Variants in RYR3 observed in about 807,000 individuals in gnomAD.
RYR3 encodes the protein brain ryanodine receptor-calcium release channel.
A neutral mutation model predicts 584.3 loss-of-function variants in RYR3; 207 were observed. That is an observed-to-expected ratio of 0.35 (90% CI 0.32 to 0.40). The LOEUF is 0.40. Ranked by LOEUF, RYR3 falls within the 10% of genes least tolerant of loss-of-function variation. RYR3 has a pLI of 1.00. For synonymous variants in RYR3, 2,416 were observed against 2,248.5 expected (o/e 1.07, Z -2.11); for missense variants, 5,616 against 6,089.2 (o/e 0.92, Z 2.59).
intron 1 of RYR3, among the ~76,000 whole-genome samples, chr15:33,401,810 T>C (rs1052507964): frequency 6.6e-6 from 1 of 152,208 alleles, no homozygotes; most frequent in African/African-American, 2.4e-5. Context: ...TTTTCTCAAA[T>C]CTGTACCTAT....
intron 12 of RYR3, among the ~76,000 whole-genome samples, chr15:33,574,954 GT>G (rs1293940943): frequency 6.6e-6 from 1 of 152,056 alleles, no homozygotes; most frequent in African/African-American, 2.4e-5. Context: ...CAAATGCAAA[GT>G]GGAAAAAAGC....
chr15:33,469,852 A>G (rs1287980444), intron 1 of RYR3, among the ~76,000 whole-genome samples: 1 of 152,220 alleles, frequency 6.6e-6, no homozygotes, highest in Non-Finnish European at 1.5e-5. Flanking sequence ...ATATTTAGGG[A>G]TGGCAGAAGA....
chr15:33,461,069 C>G (rs573579277), intron 1 of RYR3, among the ~76,000 whole-genome samples: 1 of 150,934 alleles, frequency 6.6e-6, no homozygotes, highest in Non-Finnish European at 1.5e-5. Context: ...CTCAGCCTCC[C>G]GAGTAGCTGT....
At chr15:33,410,814 GA>G (rs1313296492) in intron 1 of RYR3, among the ~76,000 whole-genome samples, 1 of 152,172 alleles carries the variant, frequency 6.6e-6, no homozygotes, top group African/African-American at 2.4e-5. Context: ...ATTTATAAAG[GA>G]AAGAGGTTCA....
Position 33,706,943 on chromosome 15 carries a change from G to A in RYR3, c.6508G>A (p.Gly2170Ser). The change falls in exon 43 of 104, where the codon GGC becomes AGC. Residue 2170 changes from glycine to serine, a missense_variant. Gly to Ser is a moderately conservative substitution (Grantham distance 56, BLOSUM62 0). Transcript: ENST00000634891. ...EKVVTYLAGC[G>S]LQSCPMLLAK... ...GGTGGTGACCTACTTGGCAGGCTGT[G>A]GCCTACAGAGCTGCCCCATGCTTCT... The A allele has an allele frequency of 6.2e-7, 1 of 1,610,440 alleles. No homozygotes were observed. The highest frequency in any genetic ancestry group is 8.5e-7 in the Non-Finnish European group (1 of 1,178,182).
intron 3 of RYR3, among the ~76,000 whole-genome samples, chr15:33,526,246 T>C (rs1311094635): frequency 6.6e-6 from 1 of 152,222 alleles, no homozygotes; most frequent in African/African-American, 2.4e-5. Flanking sequence ...TGGAAATTAA[T>C]TCTGAAATTA....
At position 33,857,786 on chromosome 15, in the gene RYR3, C is replaced by G; in HGVS notation, c.14014C>G (p.Leu4672Val). 1.2e-6 allele frequency: 2 copies of G among 1,614,022 alleles called. No individual in the cohort carries two copies. The highest frequency in any genetic ancestry group is 1.7e-6 in the Non-Finnish European group (2 of 1,179,884). ...TCTGTCCTCTCATTCCCAGTTGGTT[C>G]TGACTGTCGGTCTCCTGGCCGTGGT... ...SVTHNGKQLV[L>V]TVGLLAVVVY... Residue 4672 changes from leucine (L) to valine (V), a missense_variant, in exon 99 of 104, where the codon CTG (leucine) becomes GTG (valine). Physicochemically the swap from Leu to Val is conservative, Grantham distance 32. Transcript: ENST00000634891.
chr15:33,608,798 T>C (rs1488427344), intron 18 of RYR3, among the ~76,000 whole-genome samples: 1 of 152,230 alleles, frequency 6.6e-6, no homozygotes, highest in African/African-American at 2.4e-5. Context: ...CCCAGTCTCT[T>C]AGAGAAAAGG....
Position 33,613,213 on chromosome 15 carries a change from A to G in RYR3, c.2195A>G (p.Asn732Ser), listed in dbSNP as rs753888556. 1.2e-5 allele frequency: 20 copies of G among 1,613,804 alleles called. No homozygotes were observed. The East Asian group carries it at 1.6e-4, about 13-fold the overall frequency. ...ATACCCAGAGCTGTGGCTTCCATCA[A>G]CCAGCACCTCCTGAGATCGGATGAC... ...GRIPRAVASI[N>S]QHLLRSDDVV... The change falls in exon 19 of 104, where the codon AAC (asparagine) becomes AGC (serine). Residue 732 changes from asparagine (N) to serine (S), a missense_variant. Transcript: ENST00000634891.
At position 33,425,450 on chromosome 15, in the gene RYR3, C is replaced by T. The variant is rs539029786; in HGVS notation, c.52-47969C>T. On this transcript the variant is annotated intron_variant, in intron 1 of 103. Transcript: ENST00000634891. ...TAGTCCTGACTCAGCTTCTGAATTT[C>T]TGGTGAAATCTAAAACTACAGAGAG... Among the ~76,000 whole-genome samples the T allele has an allele frequency of 1.5e-3, 221 of 152,190 alleles. 1 individual carries two copies. Among genetic ancestry groups the T allele is most frequent in the Admixed American group, 3.7e-3 (56 of 15,284 alleles).
chr15:33,803,204 G>C (rs904643096), intron 69 of RYR3, among the ~76,000 whole-genome samples: 1 of 152,212 alleles, frequency 6.6e-6, no homozygotes, highest in Non-Finnish European at 1.5e-5. Flanking sequence ...TGCATTGCTT[G>C]ATAAAGTTTG....
At chr15:33,849,630 G>C (rs534160331) in intron 94 of RYR3, 2 of 152,120 alleles carry the variant, frequency 1.3e-5, no homozygotes, top group Admixed American at 6.5e-5. Context: ...TGTGGCAAAA[G>C]AAAAGAAATA....
intron 52 of RYR3, among the ~76,000 whole-genome samples, chr15:33,744,237 T>G (rs2070452739): frequency 6.6e-6 from 1 of 152,210 alleles, no homozygotes; most frequent in Non-Finnish European, 1.5e-5. Context: ...TCTTAGCACC[T>G]TGTTCTTCTC....
rs143131573 is a variant in RYR3, at chr15:33,852,969, C to G, written c.13629-76C>G. ...CAGAAAGATCCCAGATCCAGGCACT[C>G]AAACTGAAACGTTTCTTGATGTGTT... is the stretch of plus-strand genomic sequence containing the variant. On this transcript the variant is annotated intron_variant, in intron 94 of 103. Transcript: ENST00000634891. The G allele has an allele frequency of 2.7e-5, 35 of 1,307,780 alleles. No homozygotes were observed. In the South Asian group the frequency reaches 4.4e-4, roughly 16 times the overall value. 81.0% of individuals were successfully genotyped at this position (1,307,780 alleles called of 1,614,324 possible).
intron 1 of RYR3, among the ~76,000 whole-genome samples, chr15:33,382,318 G>T (rs1040624461): frequency 1.3e-4 from 13 of 103,266 alleles, no homozygotes; most frequent in African/African-American, 5.8e-4. Context: ...TTTAAAAGTG[G>T]CTTTTTTTTT....
At chr15:33,578,778 A>AAC (rs71117153) in intron 12 of RYR3, among the ~76,000 whole-genome samples, 781 of 46,054 alleles carry the variant, frequency 0.017, 10 homozygotes, top group African/African-American at 0.061. Context: ...AAAAAAAAAA[A>AAC]CAACAACAAA....
intron 5 of RYR3, among the ~76,000 whole-genome samples, chr15:33,534,266 T>C (rs1174347622): frequency 5.9e-5 from 9 of 152,280 alleles, no homozygotes; most frequent in Admixed American, 2.0e-4. Flanking sequence ...CTGGGTGTGG[T>C]GGCAGGCGCC....
intron 67 of RYR3, among the ~76,000 whole-genome samples, chr15:33,794,129 T>G (rs60158269): frequency 4.1e-5 from 2 of 49,014 alleles, no homozygotes; most frequent in Admixed American, 4.1e-4. Context: ...AAATATATAT[T>G]TATATATAAT....
chr15:33,474,503 C>A (rs2049200816), intron 2 of RYR3, among the ~76,000 whole-genome samples: 1 of 152,054 alleles, frequency 6.6e-6, no homozygotes, highest in African/African-American at 2.4e-5. Context: ...TGAGGCATAC[C>A]AAAGTTATCA....
Sources: gnomAD v4.1 joint callset for allele counts (sites outside exome capture counted in the v4.1 genomes callset) on GRCh38, gnomAD v4.1.1 for gene constraint, MANE v1.5 for transcripts, NCBI Gene and HGNC (gene_info 2026-07-23, HGNC 2026-07-21) for gene names.